The following COBLL1 variants were observed in gnomAD, a reference collection of about 807,000 sequenced individuals.
The protein encoded by COBLL1 is cordon-bleu protein-like 1.
Under a neutral mutation model 94.8 loss-of-function variants are expected in COBLL1, and 50 were observed. That is an observed-to-expected ratio of 0.53 (90% confidence interval 0.42 to 0.67). The LOEUF is 0.67. Ranked by LOEUF, COBLL1 falls within the 30% of genes least tolerant of loss-of-function variation. The pLI, the probability that COBLL1 is intolerant of heterozygous loss-of-function variation, is 0.00. For synonymous variants in COBLL1, 448 were observed against 473.8 expected, an observed-to-expected ratio of 0.95 and a Z score of 0.71; for missense variants, 1,362 against 1,348.7, an observed-to-expected ratio of 1.01 and a Z score of -0.15.
intron 2 of COBLL1, among the ~76,000 whole-genome samples, chr2:164,806,103 C>G (rs989633000): frequency 2.0e-5 from 3 of 151,654 alleles, no homozygotes; most frequent in Non-Finnish European, 2.9e-5. Flanking sequence ...CTTTGATTCT[C>G]TTAGTTACTG....
At chr2:164,818,454 T>A (rs571279455) in intron 2 of COBLL1, among the ~76,000 whole-genome samples, 1 of 149,276 alleles carries the variant, frequency 6.7e-6, no homozygotes, top group East Asian at 2.0e-4. Context: ...CATATTTACA[T>A]TGTATACATA....
At chr2:164,814,212 C>T (rs927657270) in intron 2 of COBLL1, among the ~76,000 whole-genome samples, 1 of 152,144 alleles carries the variant, frequency 6.6e-6, no homozygotes, top group Non-Finnish European at 1.5e-5. Context: ...CTCTACCCTT[C>T]CCCATCTGAT....
chr2:164,746,086 C>T (rs1177090243), intron 2 of COBLL1, among the ~76,000 whole-genome samples: 2 of 152,194 alleles, frequency 1.3e-5, no homozygotes, highest in Non-Finnish European at 1.5e-5. Flanking sequence ...AATCACATTT[C>T]TTTCATTTGT....
At position 164,841,245 on chromosome 2, in the gene COBLL1, T is replaced by C; in HGVS notation, c.-49A>G. 8.2e-7 allele frequency: 1 copy of C among 1,226,736 alleles called. No homozygotes were observed. Among genetic ancestry groups the C allele is most frequent in the South Asian group, 4.1e-5 (1 of 24,338 alleles). The allele number at this position is 1,226,736 out of a possible 1,614,324, so 76.0% of individuals were successfully genotyped here. On this transcript the variant is annotated splice_region_variant and 5_prime_UTR_variant, in exon 2 of 14. Transcript: ENST00000652658. This position sits in a 1 kb window ranked among gnomAD's most constrained non-coding sequence, Gnocchi z 5.5. ...CTCCAGCTCCCAGGCGGCGCGTCACTGCTGGGGTGGGAGAGGCCGGCGGGT... is the reference window on the plus strand; with the variant it reads ...CTCCAGCTCCCAGGCGGCGCGTCACCGCTGGGGTGGGAGAGGCCGGCGGGT...
At chr2:164,764,728 T>C (rs1367143353) in intron 2 of COBLL1, among the ~76,000 whole-genome samples, 1 of 152,196 alleles carries the variant, frequency 6.6e-6, no homozygotes, top group African/African-American at 2.4e-5. Flanking sequence ...GAAGGGCCTC[T>C]TTCTGGCCCA....
At position 164,689,952 on chromosome 2, in the gene COBLL1, T is replaced by C. The variant is rs147292461; in HGVS notation, c.3300+2269A>G. 3.0e-3 allele frequency among the ~76,000 whole-genome samples: 458 copies of C among 152,292 alleles called. 1 individual carries two copies. The highest frequency in any genetic ancestry group is 0.01 in the African/African-American group (420 of 41,568). On this transcript the variant is annotated intron_variant, in intron 13 of 13. Transcript: ENST00000652658. ...CACTAAATAATGTAAATTAGTTTTG[T>C]ATGCTGTCAAACTTTATGCATATAT...
At chr2:164,811,696 G>A (rs1240183586) in intron 2 of COBLL1, among the ~76,000 whole-genome samples, 1 of 151,488 alleles carries the variant, frequency 6.6e-6, no homozygotes, top group African/African-American at 2.4e-5. Context: ...TGAAAGAATC[G>A]ACAAGACATA....
In COBLL1 at chr2:164,727,983, A is replaced by G; in HGVS notation, c.647T>C (p.Met216Thr). Reference sequence around the variant, plus strand: ...GTCTTACTTACCTCTGTTGACATCCATCGCATATAATTCTCTTAGTCCCAG... The same window carrying G: ...GTCTTACTTACCTCTGTTGACATCCGTCGCATATAATTCTCTTAGTCCCAG... ...NDLGLRELYA[M>T]DVNRESCQIS... The change falls in exon 5 of 14, where the codon ATG (methionine) becomes ACG (threonine). Residue 216 changes from methionine (M) to threonine (T), a missense_variant. Met to Thr is a moderately conservative substitution (Grantham distance 81). Transcript: ENST00000652658. 1 of 1,604,644 alleles carries G rather than the reference A, an allele frequency of 6.2e-7. No homozygotes were observed. The highest frequency in any genetic ancestry group is 8.5e-7 in the Non-Finnish European group (1 of 1,171,444).
At chr2:164,782,833 A>G (rs1487551264) in intron 2 of COBLL1, among the ~76,000 whole-genome samples, 1 of 152,224 alleles carries the variant, frequency 6.6e-6, no homozygotes, top group East Asian at 1.9e-4. Flanking sequence ...ATGTTTAATA[A>G]AAGTTTAACA....
intron 2 of COBLL1, among the ~76,000 whole-genome samples, chr2:164,793,181 A>G (rs1334406368): frequency 6.6e-6 from 1 of 152,154 alleles, no homozygotes; most frequent in Admixed American, 6.6e-5. Context: ...GAAACACCCA[A>G]TTTATTCCTT....
intron 7 of COBLL1, among the ~76,000 whole-genome samples, chr2:164,721,065 G>A (rs1247259758): frequency 2.0e-5 from 3 of 152,162 alleles, no homozygotes; most frequent in Non-Finnish European, 2.9e-5. Context: ...TGAGTTGCAT[G>A]TATGATAGCC....
At chr2:164,790,091 T>C (rs1287934077) in intron 2 of COBLL1, among the ~76,000 whole-genome samples, 4 of 152,244 alleles carry the variant, frequency 2.6e-5, no homozygotes, top group Non-Finnish European at 4.4e-5. Flanking sequence ...TTAATGAGAA[T>C]AGAAATCAAT....
rs1684059136 is a variant in COBLL1 at position 164,805,331 on chromosome 2, C to CATATATATA, written c.41+35824_41+35825insTATATATAT. Among the ~76,000 whole-genome samples, 13 of 21,298 alleles carry CATATATATA rather than the reference C, an allele frequency of 6.1e-4. 2 individuals carry two copies. Among genetic ancestry groups the CATATATATA allele is most frequent in the Non-Finnish European group, 9.5e-4 (11 of 11,610 alleles). 14.0% of individuals were successfully genotyped at this position (21,298 alleles called of 152,430 possible). ...TCTCTCTCTCTCTCTCTCTCTCTCT[C>CATATATATA]TCTCTCTATATATATATATATATAT... On this transcript the variant is annotated intron_variant, in intron 2 of 13. Coordinates refer to ENST00000652658, the MANE Select transcript of COBLL1 (RefSeq NM_001365672.2).
intron 3 of COBLL1, among the ~76,000 whole-genome samples, chr2:164,738,763 G>A (rs941172272): frequency 2.0e-5 from 3 of 151,990 alleles, no homozygotes; most frequent in African/African-American, 7.3e-5. Flanking sequence ...CACGAGTTGA[G>A]CATCTCTAAT....
At chr2:164,763,815 G>A (rs1020874839) in intron 2 of COBLL1, among the ~76,000 whole-genome samples, 3 of 152,202 alleles carry the variant, frequency 2.0e-5, no homozygotes, top group Admixed American at 1.3e-4. Flanking sequence ...TGGGAGAAAA[G>A]GAATAGGGAT....
chr2:164,820,087 G>T (rs559207944), intron 2 of COBLL1, among the ~76,000 whole-genome samples: 6 of 149,360 alleles, frequency 4.0e-5, no homozygotes, highest in Non-Finnish European at 8.9e-5. Flanking sequence ...GCCCACCTTG[G>T]CCTCCCAAAG....
At chr2:164,676,598 A>G (rs1691339895), downstream of COBLL1, among the ~76,000 whole-genome samples, 1 of 151,900 alleles carries the variant, frequency 6.6e-6, no homozygotes, top group Non-Finnish European at 1.5e-5. Context: ...CAGATTACCA[A>G]CTCTTGGCCT....
rs139289228 is a variant in COBLL1 at position 164,837,630 on chromosome 2, A to G, written c.41+3526T>C. ...AACTTTCACATACATATGAAAACAT[A>G]TATACATGAATTAGATAGGAGTATA... is the stretch of plus-strand genomic sequence containing the variant. On this transcript the variant is annotated intron_variant, in intron 2 of 13. Coordinates refer to ENST00000652658, the MANE Select transcript of COBLL1 (RefSeq NM_001365672.2). 2.8e-3 allele frequency: 1,024 copies of G among 371,430 alleles called. 4 individuals carry two copies. Among genetic ancestry groups the G allele is most frequent in the Non-Finnish European group, 3.4e-3 (626 of 185,264 alleles). 23.0% of individuals were successfully genotyped at this position (371,430 alleles called of 1,614,324 possible).
At chr2:164,759,178 T>G (rs1030311216) in intron 2 of COBLL1, among the ~76,000 whole-genome samples, 9 of 152,156 alleles carry the variant, frequency 5.9e-5, no homozygotes, top group Non-Finnish European at 1.3e-4. Flanking sequence ...TGGGTAAATA[T>G]TAAACATCGT....
Sources: allele counts gnomAD v4.1 joint callset (sites outside exome capture counted in the v4.1 genomes callset), GRCh38; gene constraint gnomAD v4.1.1; non-coding constraint Gnocchi (gnomAD v3.1); transcripts MANE v1.5; gene names NCBI Gene and HGNC (gene_info 2026-07-23, HGNC 2026-07-21).